RANBP17: variants seen among roughly 807,000 people sequenced by gnomAD.
The protein encoded by RANBP17 is ran-binding protein 17.
In RANBP17, 158 loss-of-function variants were observed where a neutral mutation model predicts 141.2. The observed-to-expected ratio is 1.12, with a 90% CI of 0.98 to 1.28. The LOEUF is 1.28. Among genes scored for constraint, RANBP17 ranks in the 50% most tolerant of loss-of-function variants. The pLI is 0.00. For missense variants in RANBP17, 1,438 were observed against 1,290.7 expected (o/e 1.11, Z -1.75); for synonymous variants, 430 against 450.0 (o/e 0.96, Z 0.56).
chr5:170,980,643 G>A (rs897489906), intron 14 of RANBP17, among the ~76,000 whole-genome samples: 2 of 152,222 alleles, frequency 1.3e-5, no homozygotes, highest in Non-Finnish European at 2.9e-5. Context: ...ATGCACAGAA[G>A]TCAAGAATTA....
At position 171,003,105 on chromosome 5, in the gene RANBP17, G is replaced by A. The variant is rs185947242; in HGVS notation, c.1710+34728G>A. 4.7e-3 allele frequency among the ~76,000 whole-genome samples: 720 copies of A among 152,298 alleles called. 4 individuals carry two copies. Among genetic ancestry groups the A allele is most frequent in the African/African-American group, 0.017 (697 of 41,568 alleles). On this transcript the variant is annotated intron_variant, in intron 14 of 27. Transcript: ENST00000523189. ...ATTAGGGCAATGGCGGCCGCTGCAC[G>A]GAGACATGATGGCCAGCCTAAAACA...
At chr5:171,269,394 GAGTC>G (rs1766951083) in intron 25 of RANBP17, among the ~76,000 whole-genome samples, 1 of 152,200 alleles carries the variant, frequency 6.6e-6, no homozygotes. Flanking sequence ...AATTACTTCT[GAGTC>G]GGCTGGACTG....
chr5:170,939,438 G>C (rs1354344017), intron 12 of RANBP17, among the ~76,000 whole-genome samples: 3 of 151,744 alleles, frequency 2.0e-5, no homozygotes, highest in Non-Finnish European at 4.4e-5. Context: ...AGGCTGGAGT[G>C]CAGTGGCGTG....
At chr5:171,171,328 C>G (rs564834365) in intron 16 of RANBP17, 42 bp downstream of exon 16, 6 of 1,095,184 alleles carry the variant, frequency 5.5e-6, no homozygotes, top group Non-Finnish European at 8.0e-6. Flanking sequence ...TGTAAACAAC[C>G]TAGCAGATGC....
intron 14 of RANBP17, among the ~76,000 whole-genome samples, chr5:170,996,267 G>A (rs1453314541): frequency 1.3e-5 from 2 of 152,038 alleles, no homozygotes; most frequent in Admixed American, 1.3e-4. Context: ...AAAAAGCAAG[G>A]CAATGAATGA....
chr5:171,180,711 T>C (rs1008377716), intron 16 of RANBP17, among the ~76,000 whole-genome samples: 1 of 152,242 alleles, frequency 6.6e-6, no homozygotes, highest in Non-Finnish European at 1.5e-5. Flanking sequence ...ACTCTCATTT[T>C]TTTCTTTATT....
chr5:171,019,339 C>G (rs963431980), intron 14 of RANBP17, among the ~76,000 whole-genome samples: 6 of 152,082 alleles, frequency 3.9e-5, no homozygotes, highest in Non-Finnish European at 8.8e-5. Context: ...ATGGTGCCAA[C>G]TCCTTTTTGT....
chr5:171,001,999 C>G (rs918846050), intron 14 of RANBP17, among the ~76,000 whole-genome samples: 3 of 151,958 alleles, frequency 2.0e-5, no homozygotes, highest in Non-Finnish European at 4.4e-5. Context: ...GGCAAATCCC[C>G]GAGTTTGACG....
At chr5:170,980,505 G>A (rs1336961791) in intron 14 of RANBP17, among the ~76,000 whole-genome samples, 4 of 152,172 alleles carry the variant, frequency 2.6e-5, no homozygotes, top group Non-Finnish European at 2.9e-5. Context: ...TGCAGCCTAG[G>A]AACTTGGTGC....
At chr5:171,088,135 C>G (rs1172182187) in intron 14 of RANBP17, among the ~76,000 whole-genome samples, 1 of 151,914 alleles carries the variant, frequency 6.6e-6, no homozygotes, top group Non-Finnish European at 1.5e-5. Flanking sequence ...GTGCTTCCTT[C>G]AGGAGCTCTT....
At chr5:170,956,602 C>T (rs1434268937) in intron 13 of RANBP17, among the ~76,000 whole-genome samples, 1 of 151,890 alleles carries the variant, frequency 6.6e-6, no homozygotes, top group East Asian at 2.0e-4. Flanking sequence ...AGGCATATGC[C>T]ACCACGCCTG....
chr5:170,968,316 T>G lies in RANBP17; in HGVS notation c.1649T>G (p.Leu550Arg). ...CCNEKIELAI[L>R]WFLDQFRKTY... ...AATGAGAAAATAGAGCTTGCAATTCTGTGGTTCTTGGATCAGTTTCGTAAA... is the reference window on the plus strand; with the variant it reads ...AATGAGAAAATAGAGCTTGCAATTCGGTGGTTCTTGGATCAGTTTCGTAAA... The change falls in exon 14 of 28, where the codon CTG becomes CGG. Residue 550 changes from leucine (L) to arginine (R), a missense_variant. Coordinates refer to ENST00000523189, the MANE Select transcript of RANBP17 (RefSeq NM_022897.5). 1.9e-6 allele frequency: 3 copies of G among 1,609,818 alleles called. No individual in the cohort carries two copies. The highest frequency in any genetic ancestry group is 3.3e-4 in the Middle Eastern group (2 of 6,028).
At chr5:170,963,309 C>T (rs1776279716) in intron 13 of RANBP17, among the ~76,000 whole-genome samples, 2 of 152,146 alleles carry the variant, frequency 1.3e-5, no homozygotes, top group African/African-American at 4.8e-5. Context: ...TTGTCTCACA[C>T]TGTATAATCA....
intron 20 of RANBP17, chr5:171,205,880 A>G (rs1316781378): frequency 7.8e-6 from 4 of 512,020 alleles, no homozygotes; most frequent in African/African-American, 7.7e-5. Flanking sequence ...TTTATGTTGG[A>G]GTTGAAGGGA....
At chr5:170,943,042 G>A (rs988516021) in intron 12 of RANBP17, among the ~76,000 whole-genome samples, 21 of 152,226 alleles carry the variant, frequency 1.4e-4, no homozygotes, top group African/African-American at 5.1e-4. Context: ...CTAGTACTTA[G>A]AAAATTTTTA....
At chr5:170,987,392 G>A (rs1464368617) in intron 14 of RANBP17, among the ~76,000 whole-genome samples, 1 of 151,156 alleles carries the variant, frequency 6.6e-6, no homozygotes, top group Non-Finnish European at 1.5e-5. Context: ...ACCTAGTTAG[G>A]TTTTCCTTCT....
intron 1 of RANBP17, among the ~76,000 whole-genome samples, chr5:170,868,729 A>G (rs1387825126): frequency 1.3e-5 from 2 of 152,216 alleles, no homozygotes; most frequent in Non-Finnish European, 2.9e-5. Flanking sequence ...TTGAGAAGGG[A>G]TCCATTTTTC....
At chr5:170,948,057 G>A (rs1346769927) in intron 12 of RANBP17, among the ~76,000 whole-genome samples, 1 of 152,280 alleles carries the variant, frequency 6.6e-6, no homozygotes, top group East Asian at 1.9e-4. Context: ...ATTGAAAATT[G>A]ATAGGATATC....
intron 14 of RANBP17, among the ~76,000 whole-genome samples, chr5:171,129,711 C>T (rs527576075): frequency 2.0e-5 from 3 of 152,302 alleles, no homozygotes; most frequent in East Asian, 1.9e-4. Flanking sequence ...AGAGAATTTT[C>T]TCTTCATGAC....
Sources: allele counts gnomAD v4.1 joint callset (sites outside exome capture counted in the v4.1 genomes callset), GRCh38; gene constraint gnomAD v4.1.1; transcripts MANE v1.5; gene names NCBI Gene and HGNC (gene_info 2026-07-23, HGNC 2026-07-21).